Variants in CHCHD6 observed in about 807,000 individuals in gnomAD.
CHCHD6 encodes MICOS complex subunit MIC25.
In CHCHD6, 28 loss-of-function variants were observed where a neutral mutation model predicts 32.3. The ratio of observed to expected loss-of-function variants is 0.87; its 90% CI spans 0.64 to 1.19. The LOEUF is 1.19. CHCHD6 is among the 50% of genes most tolerant of loss of function. The pLI, the probability that CHCHD6 is intolerant of heterozygous loss-of-function variation, is 0.00. For synonymous variants in CHCHD6, 122 were observed against 117.5 expected (o/e 1.04, Z -0.25); for missense variants, 333 against 307.0 (o/e 1.08, Z -0.63).
intron 5 of CHCHD6, among the ~76,000 whole-genome samples, chr3:126,863,645 T>C (rs1228666982): frequency 2.0e-4 from 9 of 44,336 alleles, no homozygotes; most frequent in Admixed American, 2.4e-4. Context: ...TCTTCCACCA[T>C]CACCACCTCC....
In CHCHD6 at chr3:126,892,970, T is replaced by C. The variant is rs1041470511; in HGVS notation, c.496-21710T>C. Reference sequence around the variant, plus strand: ...TTGTTGTTGTTGTTTTGTTTTGTTTTGTTTTGTTTTGTTTTTGAGACCGAG... The same window carrying C: ...TTGTTGTTGTTGTTTTGTTTTGTTTCGTTTTGTTTTGTTTTTGAGACCGAG... On this transcript the variant is annotated intron_variant, in intron 5 of 7. Transcript: ENST00000290913. Among the ~76,000 whole-genome samples, 4 of 152,154 alleles carry C rather than the reference T, an allele frequency of 2.6e-5. No homozygotes were observed. In the East Asian group the frequency reaches 5.8e-4, roughly 22 times the overall value.
chr3:126,862,106 T>C (rs985624800), intron 5 of CHCHD6, among the ~76,000 whole-genome samples: 255 of 2,080 alleles, frequency 0.12, no homozygotes, highest in Admixed American at 0.16. Flanking sequence ...ATCACCACCT[T>C]CCCCTCTACC....
chr3:126,835,029 C>G (rs1940796459), intron 4 of CHCHD6, among the ~76,000 whole-genome samples: 2 of 152,150 alleles, frequency 1.3e-5, no homozygotes, highest in Non-Finnish European at 2.9e-5. Flanking sequence ...AAGTGTTTTT[C>G]CAGTTTCTAA....
chr3:126,875,910 T>C (rs1407907526), intron 5 of CHCHD6, among the ~76,000 whole-genome samples: 2 of 152,244 alleles, frequency 1.3e-5, no homozygotes, highest in African/African-American at 4.8e-5. Context: ...AGGAGAAATA[T>C]GGATCATCTC....
chr3:126,801,139 A>G (rs994319766), intron 4 of CHCHD6, among the ~76,000 whole-genome samples: 2 of 152,258 alleles, frequency 1.3e-5, no homozygotes, highest in African/African-American at 4.8e-5. Flanking sequence ...AGCGACGCAG[A>G]AGATGGGTGA....
chr3:126,791,766 T>C (rs1938557111), intron 4 of CHCHD6, among the ~76,000 whole-genome samples: 4 of 152,160 alleles, frequency 2.6e-5, no homozygotes, highest in Admixed American at 2.6e-4. Context: ...TATGCCACCA[T>C]GCCCAGCTAA....
intron 6 of CHCHD6, among the ~76,000 whole-genome samples, chr3:126,917,473 C>T (rs1333883612): frequency 6.6e-6 from 1 of 152,212 alleles, no homozygotes; most frequent in Non-Finnish European, 1.5e-5. Context: ...CAGACCTCAG[C>T]CCTGCCCCTT....
intron 5 of CHCHD6, among the ~76,000 whole-genome samples, chr3:126,888,963 G>A (rs893196382): frequency 1.3e-5 from 2 of 152,168 alleles, no homozygotes; most frequent in South Asian, 2.1e-4. Flanking sequence ...CAGGCCTTCC[G>A]GTTGTCTCTA....
intron 5 of CHCHD6, among the ~76,000 whole-genome samples, chr3:126,901,433 C>T (rs1205881352): frequency 6.6e-6 from 1 of 152,204 alleles, no homozygotes; most frequent in African/African-American, 2.4e-5. Flanking sequence ...ACCTCAGTCA[C>T]ATCCTGCCAC....
intron 5 of CHCHD6, among the ~76,000 whole-genome samples, chr3:126,888,401 A>G (rs1474735087): frequency 2.0e-5 from 3 of 152,214 alleles, no homozygotes; most frequent in South Asian, 2.1e-4. Flanking sequence ...CATCTGAGCT[A>G]AGGCACAATG....
chr3:126,805,062 G>A (rs551733503), intron 4 of CHCHD6, among the ~76,000 whole-genome samples: 115 of 151,984 alleles, frequency 7.6e-4, no homozygotes, highest in Non-Finnish European at 1.4e-3. Context: ...AAAATAATAC[G>A]AGATATTTAT....
At chr3:126,936,302 A>G (rs542017987) in intron 6 of CHCHD6, among the ~76,000 whole-genome samples, 1 of 152,282 alleles carries the variant, frequency 6.6e-6, no homozygotes, top group East Asian at 1.9e-4. Flanking sequence ...ATAATATGAG[A>G]TCATGTTCAT....
intron 6 of CHCHD6, among the ~76,000 whole-genome samples, chr3:126,925,247 G>A (rs2078306207): frequency 6.6e-6 from 1 of 152,188 alleles, no homozygotes; most frequent in Admixed American, 6.5e-5. Context: ...GGCTCCAGAA[G>A]GAGAGACCAG....
intron 4 of CHCHD6, among the ~76,000 whole-genome samples, chr3:126,752,175 G>T (rs1377125563): frequency 6.6e-6 from 1 of 152,150 alleles, no homozygotes; most frequent in Non-Finnish European, 1.5e-5. Flanking sequence ...GCTTAGAAAA[G>T]GTGGGGAAGA....
At position 126,756,773 on chromosome 3, in the gene CHCHD6, A is replaced by G. The variant is rs548883206; in HGVS notation, c.411+23551A>G. Reference sequence around the variant, plus strand: ...TTCCAGGCATTGGGGATACAGCAGAACAGAACAAAGCTCTTACCCTTTAGC... The same window carrying G: ...TTCCAGGCATTGGGGATACAGCAGAGCAGAACAAAGCTCTTACCCTTTAGC... On this transcript the variant is annotated intron_variant, in intron 4 of 7. Transcript: ENST00000290913. Among the ~76,000 whole-genome samples, 291 of 152,358 alleles carry G rather than the reference A, an allele frequency of 1.9e-3. 1 individual carries two copies. The highest frequency in any genetic ancestry group is 6.5e-3 in the African/African-American group (271 of 41,582).
chr3:126,767,076 C>T (rs1937402300), intron 4 of CHCHD6: 2 of 1,116,354 alleles, frequency 1.8e-6, no homozygotes, highest in African/African-American at 1.5e-5. Context: ...TAGTTGTACT[C>T]TGTCCGCCGT....
At chr3:126,867,242 C>T (rs548700440) in intron 5 of CHCHD6, among the ~76,000 whole-genome samples, 22 of 152,328 alleles carry the variant, frequency 1.4e-4, no homozygotes, top group Admixed American at 1.4e-3. Flanking sequence ...TTGATGTTCA[C>T]TGCTGCTGAT....
At chr3:126,876,506 A>G (rs2077540625) in intron 5 of CHCHD6, among the ~76,000 whole-genome samples, 3 of 152,218 alleles carry the variant, frequency 2.0e-5, no homozygotes, top group South Asian at 4.1e-4. Flanking sequence ...GACATTTTTT[A>G]AAGTGTGGTG....
chr3:126,835,915 G>A (rs931004945), intron 4 of CHCHD6, among the ~76,000 whole-genome samples: 1 of 152,176 alleles, frequency 6.6e-6, no homozygotes, highest in African/African-American at 2.4e-5. Flanking sequence ...CTTCTGTAAA[G>A]GTTTCTCCTT....
Sources: allele counts gnomAD v4.1 joint callset (sites outside exome capture counted in the v4.1 genomes callset), GRCh38; gene constraint gnomAD v4.1.1; transcripts MANE v1.5; gene names NCBI Gene and HGNC (gene_info 2026-07-23, HGNC 2026-07-21).